Variants in TRPM2 observed in about 807,000 individuals in gnomAD.
TRPM2 encodes estrogen-responsive element-associated gene 1 protein.
A neutral mutation model predicts 174.0 loss-of-function variants in TRPM2; 161 were observed. That is an observed-to-expected ratio of 0.93 (90% confidence interval 0.81 to 1.05). The LOEUF (loss-of-function observed/expected upper bound fraction) is 1.05, where lower values mean the gene tolerates loss of function less well. Among genes scored for constraint, TRPM2 ranks in the 50% least tolerant of loss-of-function variants. TRPM2 has a pLI of 0.00. For synonymous variants in TRPM2, 954 were observed against 861.3 expected (o/e 1.11, Z -1.88); for missense variants, 2,057 against 2,038.0 (o/e 1.01, Z -0.18).
In TRPM2 at chr21:44,366,443, G is replaced by A. The variant is rs1305292290; in HGVS notation, c.424-311G>A. 2.0e-5 allele frequency among the ~76,000 whole-genome samples: 3 copies of A among 152,220 alleles called. No individual in the cohort carries two copies. In the East Asian group the frequency reaches 5.8e-4, roughly 30 times the overall value. On this transcript the variant is annotated intron_variant, in intron 3 of 31. Coordinates refer to ENST00000397928, the MANE Select transcript of TRPM2 (RefSeq NM_003307.4). The surrounding 1 kb of genome is among the most constrained non-coding windows in gnomAD (Gnocchi z 6.0). ...TTGGAGTCTGTGCTGGCGCATGTTT[G>A]GGAGGCGCTCCCAAAATCGAGAGGA...
intron 6 of TRPM2, among the ~76,000 whole-genome samples, chr21:44,377,303 C>T (rs1176425776): frequency 1.3e-5 from 2 of 152,194 alleles, no homozygotes; most frequent in African/African-American, 2.4e-5. Context: ...CGCATCCACG[C>T]GTGGCAGGTT....
intron 21 of TRPM2, 43 bp downstream of exon 21, chr21:44,418,151 G>C: frequency 6.3e-7 from 1 of 1,576,446 alleles, no homozygotes; most frequent in Non-Finnish European, 8.6e-7. Flanking sequence ...CTGGCCACCC[G>C]GGTGCAGAGG....
At chr21:44,433,636 A>G (rs1050589436) in intron 27 of TRPM2, among the ~76,000 whole-genome samples, 1 of 152,118 alleles carries the variant, frequency 6.6e-6, no homozygotes, top group Non-Finnish European at 1.5e-5. Context: ...GCCTTGCTGC[A>G]TGTGTTGCCA....
rs751737739 is a variant in TRPM2 at position 44,440,852 on chromosome 21, G to A, written c.4333G>A (p.Val1445Ile). 61 of 1,613,744 alleles carry A rather than the reference G, an allele frequency of 3.8e-5. 1 individual carries two copies. The highest frequency in any genetic ancestry group is 2.4e-4 in the South Asian group (22 of 91,084). Residue 1445 changes from valine (V) to isoleucine (I), a missense_variant, in exon 31 of 32, where the codon GTC (valine) becomes ATC (isoleucine). Coordinates refer to ENST00000397928, the MANE Select transcript of TRPM2 (RefSeq NM_003307.4). The part of the protein sequence containing the change: ...TDNAWIETVA[V>I]SVHFQDQNDV... ...CAATGCCTGGATCGAGACGGTGGCC[G>A]TCAGCGTCCACTTCCAGGACCAGAA...
chr21:44,416,909 AG>A (rs1411168065), intron 20 of TRPM2, among the ~76,000 whole-genome samples: 1 of 136,054 alleles, frequency 7.4e-6, no homozygotes, highest in African/African-American at 2.9e-5. Context: ...GTGGCATCAC[AG>A]TGTGCACGTG....
At chr21:44,379,337 G>C (rs960220425) in intron 8 of TRPM2, 140 bp downstream of exon 8, 8 of 987,700 alleles carry the variant, frequency 8.1e-6, no homozygotes, top group East Asian at 2.6e-5. Context: ...ATTTGCAGAG[G>C]GCAGGGCCCA....
intron 12 of TRPM2, 26 bp from the exon 13 acceptor site, chr21:44,397,721 C>G: frequency 1.3e-6 from 2 of 1,539,922 alleles, no homozygotes; most frequent in Non-Finnish European, 1.8e-6. Context: ...GCTCTTTAGT[C>G]TCACGGTGGC....
chr21:44,398,282 C>T (rs1166597950), intron 13 of TRPM2, among the ~76,000 whole-genome samples: 1 of 151,088 alleles, frequency 6.6e-6, no homozygotes, highest in Non-Finnish European at 1.5e-5. Context: ...CTCACTACAC[C>T]CTCTGCCCTC....
intron 20 of TRPM2, among the ~76,000 whole-genome samples, chr21:44,417,073 C>A (rs556847840): frequency 8.8e-6 from 1 of 113,558 alleles, no homozygotes; most frequent in African/African-American, 3.6e-5. Flanking sequence ...ACAGTGGGCA[C>A]GTGGGCATGG....
In TRPM2 at chr21:44,362,348, C is replaced by CAAAAA. The variant is rs57031573; in HGVS notation, c.255-1753_255-1749dup. The stretch of plus-strand genomic sequence containing the variant: ...TGAAACCCCGTCTCTACTAAAAATA[C>CAAAAA]AAAAAAAAAAAAAAAAAGCCAGATG... On this transcript the variant is annotated intron_variant, in intron 2 of 31. Transcript: ENST00000397928. Among the ~76,000 whole-genome samples, 72 of 89,240 alleles carry CAAAAA rather than the reference C, an allele frequency of 8.1e-4. 1 individual carries two copies. Among genetic ancestry groups the CAAAAA allele is most frequent in the African/African-American group, 2.7e-3 (66 of 24,282 alleles). 58.5% of individuals were successfully genotyped at this position (89,240 alleles called of 152,430 possible).
chr21:44,368,798 G>A (rs974662783), intron 4 of TRPM2, among the ~76,000 whole-genome samples: 2 of 152,176 alleles, frequency 1.3e-5, no homozygotes, highest in Admixed American at 6.5e-5. Context: ...GAGGTGAGGG[G>A]CATCCTTCCT....
At position 44,391,480 on chromosome 21, in the gene TRPM2, C is replaced by G; in HGVS notation, c.1649C>G (p.Ala550Gly). The G allele has an allele frequency of 1.3e-6, 2 of 1,598,580 alleles. No homozygotes were observed. The highest frequency in any genetic ancestry group is 1.7e-6 in the Non-Finnish European group (2 of 1,176,346). The change falls in exon 11 of 32, where the codon GCG becomes GGG. Residue 550 changes from alanine (A) to glycine (G), a missense_variant. Ala to Gly is a moderately conservative substitution (Grantham distance 60). Coordinates refer to ENST00000397928, the MANE Select transcript of TRPM2 (RefSeq NM_003307.4). This position sits in a 1 kb window ranked among gnomAD's most constrained non-coding sequence, Gnocchi z 5.0. ...LVEDPERPACAPAAPRLQMHH... is the reference protein window; with the variant it reads ...LVEDPERPACGPAAPRLQMHH... ...GAGGATCCCGAGCGCCCGGCTTGCG[C>G]GCCCGCGGCGCCCCGCCTGCAGATG...
Position 44,391,149 on chromosome 21 carries a change from TG to T in TRPM2, c.1441-120del. ...GCCCTTCCCTTGAGGGTGGGTGACC[TG>T]GGCAGCTTTCATCCTCCCCAGGTTG... is the stretch of plus-strand genomic sequence containing the variant. On this transcript the variant is annotated intron_variant, in intron 10 of 31. Transcript: ENST00000397928. The surrounding 1 kb of genome is among the most constrained non-coding windows in gnomAD (Gnocchi z 5.0). 1 of 1,552,910 alleles carries T rather than the reference TG, an allele frequency of 6.4e-7. No individual in the cohort carries two copies.
chr21:44,441,897 G>C lies in TRPM2; in HGVS notation c.*80G>C. 1 of 1,487,428 alleles carries C rather than the reference G, an allele frequency of 6.7e-7. No individual in the cohort carries two copies. The highest frequency in any genetic ancestry group is 1.4e-5 in the South Asian group (1 of 71,260). The allele number at this position is 1,487,428 out of a possible 1,614,324, so 92.1% of individuals were successfully genotyped here. A position where few individuals can be genotyped will look rare whatever the true frequency, so the allele number is the denominator to read the frequency against. ...GGCTTCTCTCTCCTGAGCCTGGCCA[G>C]GACTCAGGCTGTTCCTGGGCCCTGC... On this transcript the variant is annotated 3_prime_UTR_variant, in exon 32 of 32. Coordinates refer to ENST00000397928, the MANE Select transcript of TRPM2 (RefSeq NM_003307.4).
chr21:44,429,868 A>C (rs1436821129), intron 27 of TRPM2, among the ~76,000 whole-genome samples: 1 of 152,092 alleles, frequency 6.6e-6, no homozygotes, highest in African/African-American at 2.4e-5. Flanking sequence ...CTTGTTTCTG[A>C]CTTAATGGAA....
chr21:44,389,304 A>G (rs1013726084), intron 9 of TRPM2, among the ~76,000 whole-genome samples: 3 of 152,128 alleles, frequency 2.0e-5, no homozygotes, highest in Non-Finnish European at 4.4e-5. Context: ...GTGTGAATAC[A>G]CCACAGGTTG....
intron 5 of TRPM2, 27 bp downstream of exon 5, chr21:44,369,370 G>C (rs377381283): frequency 6.3e-7 from 1 of 1,589,832 alleles, no homozygotes; most frequent in Non-Finnish European, 8.6e-7. Context: ...AGGGAGGGGA[G>C]CCTAAGACCA....
chr21:44,435,911 C>CTCCA (rs1403222963), intron 28 of TRPM2, among the ~76,000 whole-genome samples: 5 of 124,076 alleles, frequency 4.0e-5, no homozygotes, highest in African/African-American at 1.0e-4. Flanking sequence ...CAGACTCACT[C>CTCCA]CTCCCCACCC....
chr21:44,417,835 CTG>C (rs201744822), intron 20 of TRPM2, 90 bp from the exon 21 acceptor site: 1 of 1,383,248 alleles, frequency 7.2e-7, no homozygotes, highest in Non-Finnish European at 9.9e-7. Flanking sequence ...GCTCTGCTCT[CTG>C]TGGCATCACA....
Sources: gnomAD v4.1 joint callset for allele counts (sites outside exome capture counted in the v4.1 genomes callset) on GRCh38, gnomAD v4.1.1 for gene constraint, Gnocchi (gnomAD v3.1) non-coding constraint, MANE v1.5 for transcripts, NCBI Gene and HGNC (gene_info 2026-07-23, HGNC 2026-07-21) for gene names.